Variants in GALNT17 observed in about 807,000 individuals in gnomAD.
The protein encoded by GALNT17 is polypeptide N-acetylgalactosaminyltransferase 17.
A neutral mutation model predicts 63.7 loss-of-function variants in GALNT17; 29 were observed. The observed-to-expected ratio is 0.46, with a 90% CI of 0.34 to 0.62. The LOEUF (loss-of-function observed/expected upper bound fraction) is 0.62, where lower values mean the gene tolerates loss of function less well. Ranked by LOEUF, GALNT17 falls within the 20% of genes least tolerant of loss-of-function variation. The probability of loss-of-function intolerance (pLI) is 0.01; values close to 1 mark genes in which losing one functional copy is unlikely to be tolerated. For missense variants in GALNT17, 603 were observed against 799.6 expected, an observed-to-expected ratio of 0.75 and a Z score of 2.97; for synonymous variants, 305 against 318.3, an observed-to-expected ratio of 0.96 and a Z score of 0.45.
intron 1 of GALNT17, among the ~76,000 whole-genome samples, chr7:71,222,234 G>GTA (rs1789599834): frequency 6.6e-6 from 1 of 151,722 alleles, no homozygotes; most frequent in African/African-American, 2.4e-5. Flanking sequence ...AGATTTCCCA[G>GTA]TAATGTGCCT....
At chr7:71,578,845 A>C (rs1161642359) in intron 6 of GALNT17, among the ~76,000 whole-genome samples, 1 of 152,002 alleles carries the variant, frequency 6.6e-6, no homozygotes, top group Non-Finnish European at 1.5e-5. Context: ...TTAGGGACCC[A>C]TCCATCCATG....
intron 1 of GALNT17, among the ~76,000 whole-genome samples, chr7:71,269,640 G>A (rs1033331710): frequency 8.5e-5 from 13 of 152,336 alleles, no homozygotes; most frequent in Non-Finnish European, 1.6e-4. Flanking sequence ...AGACTGGGGA[G>A]GGGCAGGAAG....
At chr7:71,600,606 G>A (rs1167487523) in intron 6 of GALNT17, among the ~76,000 whole-genome samples, 1 of 152,118 alleles carries the variant, frequency 6.6e-6, no homozygotes, top group Non-Finnish European at 1.5e-5. Context: ...CAGCAGAGCC[G>A]TAATCAGATG....
intron 9 of GALNT17, among the ~76,000 whole-genome samples, chr7:71,708,687 G>C (rs114685775): frequency 0.02 from 3,022 of 152,268 alleles, 116 homozygotes; most frequent in African/African-American, 0.068. Flanking sequence ...CCAATAGGTA[G>C]TTTTTCAACT....
At chr7:71,585,989 C>CAACCT (rs1469420662) in intron 6 of GALNT17, among the ~76,000 whole-genome samples, 1 of 149,070 alleles carries the variant, frequency 6.7e-6, no homozygotes, top group East Asian at 2.0e-4. Flanking sequence ...TGGCTCATTG[C>CAACCT]AACCTCTGCC....
At chr7:71,208,888 G>T (rs1003410684) in intron 1 of GALNT17, among the ~76,000 whole-genome samples, 3 of 152,166 alleles carry the variant, frequency 2.0e-5, no homozygotes, top group Non-Finnish European at 4.4e-5. Flanking sequence ...AGGAAACAAA[G>T]AATTGATTTA....
In GALNT17 at chr7:71,415,871, C is replaced by T. The variant is rs1286264245; in HGVS notation, c.590-18C>T. The T allele has an allele frequency of 2.6e-6, 4 of 1,563,592 alleles. No individual in the cohort carries two copies. The Admixed American group carries it at 7.5e-5, about 29-fold the overall frequency. The stretch of plus-strand genomic sequence containing the variant: ...AATGACATGTTTATAGACCTTCTTG[C>T]ATTTTTGTCATTTGCAGAGGAGCTG... On this transcript the variant is annotated intron_variant, in intron 3 of 10. Transcript: ENST00000333538.
intron 6 of GALNT17, among the ~76,000 whole-genome samples, chr7:71,598,605 G>A (rs542474269): frequency 5.3e-5 from 8 of 152,134 alleles, no homozygotes; most frequent in Non-Finnish European, 1.2e-4. Context: ...CCATCCATAG[G>A]AATGAGATGT....
In GALNT17 at chr7:71,701,785, A is replaced by G. The variant is rs372809483; in HGVS notation, c.1501-8976A>G. ...TATGTGTATATATATGTGTGTGTGT[A>G]TATATATGTGTGTGTGTGTATATAT... is the stretch of plus-strand genomic sequence containing the variant. On this transcript the variant is annotated intron_variant, in intron 9 of 10. Transcript: ENST00000333538. 2.4e-3 allele frequency among the ~76,000 whole-genome samples: 55 copies of G among 22,532 alleles called. No homozygotes were observed. The East Asian group carries it at 0.026, about 11-fold the overall frequency. The allele number at this position is 22,532 out of a possible 152,430, so 14.8% of individuals were successfully genotyped here.
At chr7:71,173,901 T>TTTATTG (rs1788589300) in intron 1 of GALNT17, among the ~76,000 whole-genome samples, 1 of 152,220 alleles carries the variant, frequency 6.6e-6, no homozygotes, top group African/African-American at 2.4e-5. Flanking sequence ...AAGCATTCAA[T>TTTATTG]AAATGCAGTT....
chr7:71,450,495 A>T (rs1206958850), intron 5 of GALNT17, among the ~76,000 whole-genome samples: 1 of 152,190 alleles, frequency 6.6e-6, no homozygotes, highest in African/African-American at 2.4e-5. Flanking sequence ...TTGTGTGTGC[A>T]TGTGCTTTTT....
At chr7:71,202,915 G>T (rs2116371677) in intron 1 of GALNT17, among the ~76,000 whole-genome samples, 1 of 152,174 alleles carries the variant, frequency 6.6e-6, no homozygotes, top group South Asian at 2.1e-4. Context: ...ATGTCCTCCA[G>T]GTTCATTCAC....
At chr7:71,197,429 C>T (rs1195083045) in intron 1 of GALNT17, among the ~76,000 whole-genome samples, 1 of 150,876 alleles carries the variant, frequency 6.6e-6, no homozygotes, top group African/African-American at 2.4e-5. Context: ...AGGGAGGTCT[C>T]GATCTCCTGA....
chr7:71,514,858 T>G (rs1234941784), intron 5 of GALNT17, among the ~76,000 whole-genome samples: 1 of 152,172 alleles, frequency 6.6e-6, no homozygotes, highest in Non-Finnish European at 1.5e-5. Context: ...TCATCTTGAA[T>G]TGTAGCTCCC....
At chr7:71,246,353 C>A (rs1236427604) in intron 1 of GALNT17, among the ~76,000 whole-genome samples, 2 of 151,364 alleles carry the variant, frequency 1.3e-5, no homozygotes, top group Non-Finnish European at 2.9e-5. Flanking sequence ...AAACTCCTGA[C>A]CTCAAATGAT....
At chr7:71,674,799 G>T (rs1791123636) in intron 8 of GALNT17, among the ~76,000 whole-genome samples, 1 of 152,180 alleles carries the variant, frequency 6.6e-6, no homozygotes, top group Non-Finnish European at 1.5e-5. Flanking sequence ...TTACAGGCGT[G>T]AGCCACCGCA....
intron 1 of GALNT17, among the ~76,000 whole-genome samples, chr7:71,173,576 C>A (rs1157763254): frequency 1.3e-5 from 2 of 151,984 alleles, no homozygotes; most frequent in Admixed American, 6.6e-5. Flanking sequence ...AATTCGAGAC[C>A]AGCCTGGCCA....
intron 5 of GALNT17, among the ~76,000 whole-genome samples, chr7:71,536,220 T>A (rs1425330080): frequency 1.3e-5 from 2 of 152,142 alleles, no homozygotes; most frequent in Non-Finnish European, 2.9e-5. Context: ...TTACCCAGGC[T>A]CTGATGATGC....
chr7:71,198,604 A>AC (rs1381695144), intron 1 of GALNT17, among the ~76,000 whole-genome samples: 1 of 152,218 alleles, frequency 6.6e-6, no homozygotes, highest in African/African-American at 2.4e-5. Context: ...ACTGACACCA[A>AC]CACAGACCTG....
Sources: allele counts gnomAD v4.1 joint callset (sites outside exome capture counted in the v4.1 genomes callset), GRCh38; gene constraint gnomAD v4.1.1; transcripts MANE v1.5; gene names NCBI Gene and HGNC (gene_info 2026-07-23, HGNC 2026-07-21).